Variants in MTOR observed in about 807,000 individuals in gnomAD.
The protein encoded by MTOR is serine/threonine-protein kinase mTOR.
Under a neutral mutation model 319.8 loss-of-function variants are expected in MTOR, and 70 were observed. That is an observed-to-expected ratio of 0.22 (90% CI 0.18 to 0.27). The LOEUF (loss-of-function observed/expected upper bound fraction) is 0.27. Ranked by LOEUF, MTOR falls within the 10% of genes least tolerant of loss-of-function variation. MTOR has a pLI of 1.00. For synonymous variants in MTOR, 1,183 were observed against 1,211.4 expected (o/e 0.98, Z 0.49); for missense variants, 1,890 against 3,274.4 (o/e 0.58, Z 10.32).
intron 19 of MTOR, among the ~76,000 whole-genome samples, chr1:11,224,345 T>A (rs1370229214): frequency 6.6e-6 from 1 of 152,126 alleles, no homozygotes; most frequent in East Asian, 1.9e-4. Context: ...GATTATTGCA[T>A]AATGATAAAA....
intron 28 of MTOR, among the ~76,000 whole-genome samples, chr1:11,176,896 A>G (rs984042740): frequency 1.3e-5 from 2 of 152,314 alleles, no homozygotes; most frequent in African/African-American, 4.8e-5. Flanking sequence ...GAATCTGGGA[A>G]CAGGAGAATG....
rs1641626307 is a variant in MTOR at position 11,107,323 on chromosome 1, A to AT, written c.*161_*162insA. The AT allele has an allele frequency of 1.0e-5, 15 of 1,504,648 alleles. No individual in the cohort carries two copies. The highest frequency in any genetic ancestry group is 1.3e-5 in the Non-Finnish European group (15 of 1,130,240). 93.2% of individuals were successfully genotyped at this position (1,504,648 alleles called of 1,614,324 possible). On this transcript the variant is annotated 3_prime_UTR_variant, in exon 58 of 58. Transcript: ENST00000361445. Reference sequence around the variant, plus strand: ...ATATATTCTTCAACAGCAGCTAGAAAGTTGGTTCAAACCAACTTTTAATAT... The same window carrying AT: ...ATATATTCTTCAACAGCAGCTAGAAATGTTGGTTCAAACCAACTTTTAATAT...
intron 28 of MTOR, among the ~76,000 whole-genome samples, chr1:11,172,744 C>T (rs1644860327): frequency 1.3e-5 from 2 of 151,324 alleles, no homozygotes; most frequent in African/African-American, 2.4e-5. Context: ...TGGCGAACGC[C>T]TGTAATTGCA....
intron 25 of MTOR, among the ~76,000 whole-genome samples, chr1:11,206,749 T>C (rs1330602041): frequency 1.3e-5 from 2 of 152,204 alleles, no homozygotes; most frequent in Non-Finnish European, 2.9e-5. Context: ...CACGAGCTGC[T>C]TCCTCTTGCC....
rs773632256 is a variant in MTOR, at chr1:11,234,133, T to C, written c.2331+10A>G. ...CACAGAGAAAGCACCAGCCTCTCGGTTTGTGTTACCTTCAGAATAGGCTCC... is the reference window on the plus strand; with the variant it reads ...CACAGAGAAAGCACCAGCCTCTCGGCTTGTGTTACCTTCAGAATAGGCTCC... On this transcript the variant is annotated intron_variant, in intron 14 of 57. Coordinates refer to ENST00000361445, the MANE Select transcript of MTOR (RefSeq NM_004958.4). The C allele has an allele frequency of 1.9e-6, 3 of 1,613,988 alleles. No individual in the cohort carries two copies. The highest frequency in any genetic ancestry group is 2.2e-5 in the South Asian group (2 of 91,076).
intron 18 of MTOR, 22 bp from the exon 19 acceptor site, chr1:11,228,940 T>G (rs1283787854): frequency 3.1e-6 from 5 of 1,611,920 alleles, no homozygotes; most frequent in Non-Finnish European, 4.2e-6. Context: ...CAACAGAGAG[T>G]GTTAGAGCTA....
intron 13 of MTOR, 129 bp downstream of exon 13, chr1:11,237,713 CA>C (rs1647400876): frequency 1.0e-6 from 1 of 953,476 alleles, no homozygotes. Flanking sequence ...CCTTTGCAGA[CA>C]AATGCGGCTT....
chr1:11,156,908 AC>A lies in MTOR; in HGVS notation c.4469+243del, dbSNP rs545102517. ...GACAGGAGAAGTAGATCCCAGGAGC[AC>A]CCCCAAGGCTGTCCTGTCCTAGAGC... On this transcript the variant is annotated intron_variant, in intron 30 of 57. Transcript: ENST00000361445. Among the ~76,000 whole-genome samples the A allele has an allele frequency of 3.3e-4, 50 of 152,266 alleles. No homozygotes were observed. In the South Asian group the frequency reaches 8.3e-3, roughly 25 times the overall value.
intron 3 of MTOR, among the ~76,000 whole-genome samples, chr1:11,258,075 A>G (rs1394563924): frequency 2.0e-5 from 3 of 147,078 alleles, no homozygotes; most frequent in Non-Finnish European, 4.5e-5. Flanking sequence ...GCACCACTGA[A>G]CTCCAGCCCC....
At chr1:11,187,421 C>T (rs923176420) in intron 28 of MTOR, among the ~76,000 whole-genome samples, 1 of 152,158 alleles carries the variant, frequency 6.6e-6, no homozygotes, top group Admixed American at 6.5e-5. Flanking sequence ...CAACCTAGAT[C>T]CCTCACATGT....
intron 33 of MTOR, 41 bp from the exon 34 acceptor site, chr1:11,144,796 A>G (rs1557771079): frequency 1.9e-6 from 3 of 1,583,676 alleles, no homozygotes; most frequent in Non-Finnish European, 1.7e-6. Context: ...TTACTGCACG[A>G]ACAATCCAAA....
intron 51 of MTOR, 72 bp from the exon 52 acceptor site, chr1:11,114,959 G>A: frequency 7.7e-7 from 1 of 1,300,770 alleles, no homozygotes; most frequent in African/African-American, 1.5e-5. Flanking sequence ...GGAGCAGGTG[G>A]CTTTCCTCTG....
At chr1:11,255,406 AAAAG>A (rs1406515523) in intron 5 of MTOR, among the ~76,000 whole-genome samples, 1 of 135,484 alleles carries the variant, frequency 7.4e-6, no homozygotes, top group African/African-American at 2.5e-5. Context: ...AAAAAAAAAA[AAAAG>A]AAAGAGGTAC....
chr1:11,124,372 G>T, intron 47 of MTOR, 126 bp downstream of exon 47: 1 of 1,260,782 alleles, frequency 7.9e-7, no homozygotes, highest in Non-Finnish European at 1.1e-6. Flanking sequence ...ACAGGCATGA[G>T]TTACCATGCC....
At chr1:11,208,928 A>C (rs886547650) in intron 25 of MTOR, among the ~76,000 whole-genome samples, 12 of 152,242 alleles carry the variant, frequency 7.9e-5, no homozygotes, top group African/African-American at 2.7e-4. Context: ...CAAGACTCCC[A>C]GCAACTGGTA....
chr1:11,239,350 T>C (rs540255095), intron 11 of MTOR, among the ~76,000 whole-genome samples: 1 of 152,286 alleles, frequency 6.6e-6, no homozygotes, highest in South Asian at 2.1e-4. Flanking sequence ...ACATAGCTAC[T>C]TTCTATTCAC....
rs867369332 is a variant in MTOR, at chr1:11,229,209, C to T, written c.2780-291G>A. Reference sequence around the variant, plus strand: ...TGCTCTGTTTAATTTAGCTTCTTACCGTTCACAACTTCATAACTGAAACCA... The same window carrying T: ...TGCTCTGTTTAATTTAGCTTCTTACTGTTCACAACTTCATAACTGAAACCA... On this transcript the variant is annotated intron_variant, in intron 18 of 57. Transcript: ENST00000361445. Among the ~76,000 whole-genome samples the T allele has an allele frequency of 3.0e-4, 46 of 152,212 alleles. 1 individual carries two copies. The highest frequency in any genetic ancestry group is 3.4e-3 in the Middle Eastern group (1 of 294).
At chr1:11,154,100 A>AAAAAAAAAC (rs1644241672) in intron 30 of MTOR, among the ~76,000 whole-genome samples, 1 of 145,862 alleles carries the variant, frequency 6.9e-6, no homozygotes, top group South Asian at 2.1e-4. Flanking sequence ...AAAAAAAAAA[A>AAAAAAAAAC]AAAGCCACAT....
intron 28 of MTOR, chr1:11,194,914 G>A: frequency 6.2e-7 from 1 of 1,614,154 alleles, no homozygotes; most frequent in Non-Finnish European, 8.5e-7. Context: ...TACCGCCTGG[G>A]TGAGCACAAT....
Sources: allele counts gnomAD v4.1 joint callset (sites outside exome capture counted in the v4.1 genomes callset), GRCh38; gene constraint gnomAD v4.1.1; transcripts MANE v1.5; gene names NCBI Gene and HGNC (gene_info 2026-07-23, HGNC 2026-07-21).